The following ZNF423 variants were observed in gnomAD, a reference collection of about 807,000 sequenced individuals.
ZNF423 encodes the protein zinc finger protein 423.
Under a neutral mutation model 95.8 loss-of-function variants are expected in ZNF423, and 12 were observed. The observed-to-expected ratio is 0.13, with a 90% CI of 0.08 to 0.20. The LOEUF is 0.20. ZNF423 is among the 10% of genes least tolerant of loss of function. The pLI is 1.00. For synonymous variants in ZNF423, 749 were observed against 711.9 expected, an observed-to-expected ratio of 1.05 and a Z score of -0.83; for missense variants, 1,316 against 1,737.1, an observed-to-expected ratio of 0.76 and a Z score of 4.31.
intron 3 of ZNF423, among the ~76,000 whole-genome samples, chr16:49,710,929 G>C (rs2032523474): frequency 6.6e-6 from 1 of 152,164 alleles, no homozygotes; most frequent in South Asian, 2.1e-4. Flanking sequence ...TCAGATCCAA[G>C]TCTTATTTCA....
chr16:49,516,516 G>A (rs940064394), intron 7 of ZNF423, among the ~76,000 whole-genome samples: 4 of 152,204 alleles, frequency 2.6e-5, no homozygotes, highest in Admixed American at 1.3e-4. Context: ...AGGAAACTGA[G>A]GCTTACGGCT....
chr16:49,745,644 A>C (rs2033507112), intron 2 of ZNF423, among the ~76,000 whole-genome samples: 1 of 152,212 alleles, frequency 6.6e-6, no homozygotes, highest in South Asian at 2.1e-4. Context: ...AGCGTGGTGC[A>C]ATTACCCTTA....
At chr16:49,696,027 C>T (rs530171180) in intron 3 of ZNF423, among the ~76,000 whole-genome samples, 1 of 152,170 alleles carries the variant, frequency 6.6e-6, no homozygotes, top group Non-Finnish European at 1.5e-5. Context: ...TAGGGCCAGA[C>T]GTGTGATCTC....
intron 1 of ZNF423, among the ~76,000 whole-genome samples, chr16:49,841,982 A>T (rs1230756531): frequency 1.3e-5 from 2 of 152,092 alleles, no homozygotes; most frequent in Non-Finnish European, 2.9e-5. Flanking sequence ...CACGCCTGCA[A>T]TCCCAGCACT....
chr16:49,504,290 G>A (rs1176858159), intron 7 of ZNF423, among the ~76,000 whole-genome samples: 1 of 152,200 alleles, frequency 6.6e-6, no homozygotes, highest in Non-Finnish European at 1.5e-5. Flanking sequence ...AACAGGCCAG[G>A]CACAGTGGCT....
intron 7 of ZNF423, among the ~76,000 whole-genome samples, chr16:49,515,871 C>T (rs1274845380): frequency 5.3e-5 from 8 of 152,226 alleles, no homozygotes; most frequent in Admixed American, 6.5e-5. Context: ...GATGCAGAGA[C>T]AGCTGGGCTG....
At chr16:49,850,322 T>G (rs963196276) in intron 1 of ZNF423, among the ~76,000 whole-genome samples, 24 of 152,286 alleles carry the variant, frequency 1.6e-4, no homozygotes, top group Middle Eastern at 6.8e-3. Context: ...GGTGGGAAAC[T>G]TCTCTGATTA....
chr16:49,827,141 G>C (rs978604144), intron 1 of ZNF423: 1 of 152,070 alleles, frequency 6.6e-6, no homozygotes, highest in African/African-American at 2.4e-5. Context: ...AACATCTTCC[G>C]CATAAAATAA....
chr16:49,805,910 C>T (rs1012352482), intron 1 of ZNF423, among the ~76,000 whole-genome samples: 21 of 152,248 alleles, frequency 1.4e-4, no homozygotes, highest in Admixed American at 1.4e-3. Context: ...GCCAGTCCAT[C>T]CAGGGTTGCA....
chr16:49,808,093 G>T (rs1021907791), intron 1 of ZNF423, among the ~76,000 whole-genome samples: 3 of 149,844 alleles, frequency 2.0e-5, no homozygotes, highest in African/African-American at 7.4e-5. Context: ...ACAAAATCTT[G>T]CTCTGTCACC....
chr16:49,568,474 A>T (rs1406728139), intron 5 of ZNF423, among the ~76,000 whole-genome samples: 1 of 152,150 alleles, frequency 6.6e-6, no homozygotes, highest in Non-Finnish European at 1.5e-5. Context: ...AGCTGGAGGC[A>T]GGGTTCCAGC....
intron 5 of ZNF423, among the ~76,000 whole-genome samples, chr16:49,527,327 T>G (rs899184711): frequency 2.0e-5 from 3 of 152,200 alleles, no homozygotes; most frequent in Non-Finnish European, 4.4e-5. Flanking sequence ...GAAAAGGAAT[T>G]CATTGACAAG....
At chr16:49,621,470 C>A (rs575904861) in intron 5 of ZNF423, among the ~76,000 whole-genome samples, 2 of 152,300 alleles carry the variant, frequency 1.3e-5, no homozygotes, top group African/African-American at 4.8e-5. Context: ...CTCCGGGCTG[C>A]AGAGCCATGC....
chr16:49,680,242 G>A (rs1270382722), intron 3 of ZNF423, among the ~76,000 whole-genome samples: 1 of 152,228 alleles, frequency 6.6e-6, no homozygotes, highest in Non-Finnish European at 1.5e-5. Flanking sequence ...GCTGAGAGCT[G>A]GGCACTTGTT....
chr16:49,756,876 G>A (rs1288405344), intron 2 of ZNF423, among the ~76,000 whole-genome samples: 1 of 152,232 alleles, frequency 6.6e-6, no homozygotes. Flanking sequence ...GGGCAGACAT[G>A]AACAGGCCTC....
chr16:49,723,503 T>C (rs1281408479), intron 3 of ZNF423, among the ~76,000 whole-genome samples: 1 of 152,226 alleles, frequency 6.6e-6, no homozygotes, highest in Non-Finnish European at 1.5e-5. Context: ...TTGCCTGTGA[T>C]ATGTGTCCCT....
At chr16:49,529,283 G>C (rs1428417864) in intron 5 of ZNF423, among the ~76,000 whole-genome samples, 7 of 151,808 alleles carry the variant, frequency 4.6e-5, no homozygotes, top group Middle Eastern at 3.2e-3. Context: ...GTCGAGGCTG[G>C]CACAAGGAAA....
At chr16:49,700,900 G>T (rs2032157262) in intron 3 of ZNF423, among the ~76,000 whole-genome samples, 1 of 152,112 alleles carries the variant, frequency 6.6e-6, no homozygotes, top group Admixed American at 6.5e-5. Flanking sequence ...GGAGGAGGCA[G>T]GAGAAAGGAG....
At chr16:49,565,505 T>G (rs1055202510) in intron 5 of ZNF423, among the ~76,000 whole-genome samples, 5 of 152,192 alleles carry the variant, frequency 3.3e-5, no homozygotes, top group African/African-American at 7.2e-5. Context: ...CCTTTGATTC[T>G]CAGTAAGAGA....
Sources: gnomAD v4.1 joint callset for allele counts (sites outside exome capture counted in the v4.1 genomes callset) on GRCh38, gnomAD v4.1.1 for gene constraint, MANE v1.5 for transcripts, NCBI Gene and HGNC (gene_info 2026-07-23, HGNC 2026-07-21) for gene names.